CACNB4: variants seen among roughly 807,000 people sequenced by gnomAD.
CACNB4 encodes the protein calcium voltage-gated channel auxiliary subunit beta 4.
Under a neutral mutation model 71.2 loss-of-function variants are expected in CACNB4, and 32 were observed. The observed-to-expected ratio is 0.45, with a 90% CI of 0.34 to 0.60. The LOEUF (loss-of-function observed/expected upper bound fraction) is 0.60, where lower values mean the gene tolerates loss of function less well. CACNB4 is among the 20% of genes least tolerant of loss of function. CACNB4 has a pLI of 0.01. For missense variants in CACNB4, 464 were observed against 647.9 expected (o/e 0.72, Z 3.08); for synonymous variants, 231 against 236.9 (o/e 0.97, Z 0.23).
chr2:151,944,094 C>T (rs185334865), intron 2 of CACNB4, among the ~76,000 whole-genome samples: 98 of 150,140 alleles, frequency 6.5e-4, no homozygotes, highest in African/African-American at 2.3e-3. Flanking sequence ...AATGGAGTGA[C>T]CACAGCTCAC....
In CACNB4 at chr2:151,942,242, A is replaced by C. The variant is rs992624106; in HGVS notation, c.148-58872T>G. On this transcript the variant is annotated intron_variant, in intron 2 of 13. Transcript: ENST00000539935. Reference sequence around the variant, plus strand: ...GTGTTGCAGGAAGTCAGGGACCCCAAATGGAGGGACTGGCTGGAGCCGTGG... The same window carrying C: ...GTGTTGCAGGAAGTCAGGGACCCCACATGGAGGGACTGGCTGGAGCCGTGG... Among the ~76,000 whole-genome samples, 17 of 149,196 alleles carry C rather than the reference A, an allele frequency of 1.1e-4. 3 individuals carry two copies. The highest frequency in any genetic ancestry group is 4.4e-4 in the African/African-American group (17 of 38,562).
chr2:152,081,853 G>A (rs1340168049), intron 2 of CACNB4, among the ~76,000 whole-genome samples: 1 of 152,222 alleles, frequency 6.6e-6, no homozygotes, highest in Non-Finnish European at 1.5e-5. Flanking sequence ...TGAACTGTAT[G>A]TGCAAATATC....
chr2:151,898,865 C>A (rs970699543), intron 2 of CACNB4, among the ~76,000 whole-genome samples: 1 of 152,270 alleles, frequency 6.6e-6, no homozygotes, highest in Middle Eastern at 3.4e-3. Context: ...TGATGATGGG[C>A]ATAGAGTGAA....
At chr2:151,914,840 A>G (rs2099857053) in intron 2 of CACNB4, among the ~76,000 whole-genome samples, 1 of 152,188 alleles carries the variant, frequency 6.6e-6, no homozygotes, top group African/African-American at 2.4e-5. Flanking sequence ...AACAGCAAAG[A>G]TGGATGCCTG....
At chr2:152,078,277 G>C (rs1469002266) in intron 2 of CACNB4, among the ~76,000 whole-genome samples, 2 of 152,192 alleles carry the variant, frequency 1.3e-5, no homozygotes, top group African/African-American at 4.8e-5. Context: ...AACTGCTGCA[G>C]AGAGTATGAG....
intron 13 of CACNB4, among the ~76,000 whole-genome samples, chr2:151,841,505 A>G (rs2099836229): frequency 6.6e-6 from 1 of 152,068 alleles, no homozygotes; most frequent in Admixed American, 6.5e-5. Context: ...GCATAAGCCC[A>G]TGAGTCCAGG....
intron 2 of CACNB4, among the ~76,000 whole-genome samples, chr2:151,951,075 C>G (rs73001840): frequency 0.065 from 9,842 of 151,998 alleles, 1,028 homozygotes; most frequent in African/African-American, 0.22. Flanking sequence ...CTCCCGAGTA[C>G]CTGGGACTAC....
chr2:151,963,964 G>C (rs1015793319), intron 2 of CACNB4, among the ~76,000 whole-genome samples: 4 of 151,462 alleles, frequency 2.6e-5, no homozygotes, highest in African/African-American at 9.7e-5. Context: ...AGCTACTCAG[G>C]AGGCTGAGGC....
At chr2:151,963,226 G>T (rs892943494) in intron 2 of CACNB4, among the ~76,000 whole-genome samples, 1 of 151,064 alleles carries the variant, frequency 6.6e-6, no homozygotes, top group South Asian at 2.1e-4. Context: ...GCAGGAGAAT[G>T]GCGTGAACCT....
intron 2 of CACNB4, among the ~76,000 whole-genome samples, chr2:151,963,183 G>C (rs1393123398): frequency 3.3e-5 from 5 of 151,992 alleles, no homozygotes; most frequent in Admixed American, 3.3e-4. Context: ...GTGGTGACGG[G>C]CACCTGTAGT....
rs768245741 is a variant in CACNB4 at position 151,839,324 on chromosome 2, C to T, written c.1358G>A (p.Arg453Gln). ...HSTENSPIERRSLMTSDENYH... is the reference protein window; with the variant it reads ...HSTENSPIERQSLMTSDENYH... ...ATTTTCATCAGAGGTCATTAGACTT[C>T]GTCTTTCAATTGGAGAGTTCTCTGT... The change falls in exon 14 of 14, where the codon CGA becomes CAA. Residue 453 changes from arginine (R) to glutamine (Q), a missense_variant. This residue lies in a region of CACNB4 where 115 missense variants were observed against 128.8 expected (regional missense o/e 0.89). Transcript: ENST00000539935. 1.9e-6 allele frequency: 3 copies of T among 1,612,974 alleles called. No individual in the cohort carries two copies. The highest frequency in any genetic ancestry group is 2.5e-6 in the Non-Finnish European group (3 of 1,179,008).
At chr2:151,916,742 T>A (rs902729311) in intron 2 of CACNB4, among the ~76,000 whole-genome samples, 1 of 152,226 alleles carries the variant, frequency 6.6e-6, no homozygotes, top group African/African-American at 2.4e-5. Context: ...CTTTTTAAAC[T>A]ATGGGTTTAG....
At chr2:151,944,017 T>C (rs1476227856) in intron 2 of CACNB4, among the ~76,000 whole-genome samples, 2 of 144,934 alleles carry the variant, frequency 1.4e-5, no homozygotes, top group African/African-American at 2.5e-5. Context: ...TACAGGATTA[T>C]ACTTTCTTTC....
chr2:151,986,584 T>C (rs143684498), intron 2 of CACNB4, among the ~76,000 whole-genome samples: 2 of 152,360 alleles, frequency 1.3e-5, no homozygotes, highest in African/African-American at 4.8e-5. Flanking sequence ...ACATTTAGCA[T>C]ACTCATCAAC....
rs77367868 is a variant in CACNB4, at chr2:151,979,249, A to G, written c.148-95879T>C. 6.0e-3 allele frequency among the ~76,000 whole-genome samples: 907 copies of G among 152,244 alleles called. 4 individuals are homozygous for G. Among genetic ancestry groups the G allele is most frequent in the African/African-American group, 0.021 (858 of 41,532 alleles). ...GAGGCAGAGACAGAAAACCCTAGAG[A>G]CGTGCAGAGGAAAAGTGAATATATG... On this transcript the variant is annotated intron_variant, in intron 2 of 13. Coordinates refer to ENST00000539935, the MANE Select transcript of CACNB4 (RefSeq NM_000726.5).
In CACNB4 at chr2:151,883,301, T is replaced by C. The variant is rs769419518; in HGVS notation, c.217A>G (p.Ile73Val). 1 of 1,613,920 alleles carries C rather than the reference T, an allele frequency of 6.2e-7. No homozygotes were observed. Among genetic ancestry groups the C allele is most frequent in the Middle Eastern group, 1.6e-4 (1 of 6,062 alleles). Reference sequence around the variant, plus strand: ...GCTTGCTGTTCTCTCTCCTGTCGAATTGCTTCCCGGTCCTCTTCCAAAGAG... The same window carrying C: ...GCTTGCTGTTCTCTCTCCTGTCGAACTGCTTCCCGGTCCTCTTCCAAAGAG... The part of the protein sequence containing the change: ...DVSLEEDREA[I>V]RQEREQQAAI... The change falls in exon 3 of 14, where the codon ATT (isoleucine) becomes GTT (valine). Residue 73 changes from isoleucine to valine, a missense_variant. Around this residue, in one of 3 missense-constraint regions of CACNB4, gnomAD observed 299 missense variants for 471.7 expected, o/e 0.63. Coordinates refer to ENST00000539935, the MANE Select transcript of CACNB4 (RefSeq NM_000726.5).
intron 2 of CACNB4, among the ~76,000 whole-genome samples, chr2:152,088,011 A>G (rs991280221): frequency 2.0e-5 from 3 of 152,194 alleles, no homozygotes; most frequent in Admixed American, 2.0e-4. Flanking sequence ...AGAATAGATT[A>G]GTGGATGCCT....
rs569136313 is a variant in CACNB4, at chr2:152,022,242, CCT to C, written c.147+76086_147+76087del. ...CTTAATTTCACTCCTACAAATAAGC[CCT>C]GTTTGTTTACTGTTCACCATTCATT... On this transcript the variant is annotated intron_variant, in intron 2 of 13. Transcript: ENST00000539935. Among the ~76,000 whole-genome samples, 636 of 152,238 alleles carry C rather than the reference CCT, an allele frequency of 4.2e-3. 3 individuals are homozygous for C. The highest frequency in any genetic ancestry group is 0.014 in the African/African-American group (593 of 41,536).
intron 2 of CACNB4, among the ~76,000 whole-genome samples, chr2:152,082,855 T>C (rs1264779558): frequency 6.6e-6 from 1 of 152,238 alleles, no homozygotes; most frequent in Non-Finnish European, 1.5e-5. Flanking sequence ...GGTGGTGATG[T>C]TGGTAGGCAC....
Sources: gnomAD v4.1 joint callset for allele counts (sites outside exome capture counted in the v4.1 genomes callset) on GRCh38, gnomAD v4.1.1 for gene constraint, gnomAD v4.1.1 regional missense constraint, MANE v1.5 for transcripts, NCBI Gene and HGNC (gene_info 2026-07-23, HGNC 2026-07-21) for gene names.